Variants in WDR12 observed in about 807,000 individuals in gnomAD.
The protein encoded by WDR12 is WD repeat domain 12, also known as ribosome biogenesis protein WDR12.
In WDR12, 42 loss-of-function variants were observed where a neutral mutation model predicts 64.3. The observed-to-expected ratio is 0.65, with a 90% CI of 0.51 to 0.84. The LOEUF (loss-of-function observed/expected upper bound fraction) is 0.84. Ranked by LOEUF, WDR12 falls within the 40% of genes least tolerant of loss-of-function variation. WDR12 has a pLI of 0.00. For missense variants in WDR12, 469 were observed against 494.6 expected (o/e 0.95, Z 0.49); for synonymous variants, 158 against 173.3 (o/e 0.91, Z 0.70).
rs1687831188 is a variant in WDR12, at chr2:202,874,922, C to T, written c.*5938G>A. 6.6e-6 allele frequency: 1 copy of T among 152,198 alleles called. No homozygotes were observed. The highest frequency in any genetic ancestry group is 1.5e-5 in the Non-Finnish European group (1 of 68,056). The allele number at this position is 152,198 out of a possible 1,614,324, so 9.4% of individuals were successfully genotyped here. A position where few individuals can be genotyped will look rare whatever the true frequency, so the allele number is the denominator to read the frequency against. ...ATCGTTTTAAAAATTATTTCCTCCC[C>T]CTGAAACCACTGAACTTCATCTGGT... On this transcript the variant is annotated 3_prime_UTR_variant, in exon 13 of 13. Coordinates refer to ENST00000261015, the MANE Select transcript of WDR12 (RefSeq NM_018256.4).
At chr2:202,894,900 CCACATTCAAGCCTCTATTCCACTG>C (rs1441067373) in intron 6 of WDR12, 3 of 280,300 alleles carry the variant, frequency 1.1e-5, no homozygotes, top group Non-Finnish European at 2.0e-5. Flanking sequence ...GGTGTGCGGA[CCACATTCAAGCCTCTATTCCACTG>C]GTTCCTGAGG....
In WDR12 at chr2:202,874,798, T is replaced by C. The variant is rs959296365; in HGVS notation, c.*6062A>G. ...AACATTCTGTCTCTTCCCTACTACA[T>C]TTCTGTTTATTCAAGCAAAGCTAGA... On this transcript the variant is annotated 3_prime_UTR_variant, in exon 13 of 13. Coordinates refer to ENST00000261015, the MANE Select transcript of WDR12 (RefSeq NM_018256.4). 6.6e-6 allele frequency: 1 copy of C among 152,210 alleles called. No homozygotes were observed. Among genetic ancestry groups the C allele is most frequent in the Admixed American group, 6.5e-5 (1 of 15,280 alleles). The allele number at this position is 152,210 out of a possible 1,614,324, so 9.4% of individuals were successfully genotyped here.
chr2:202,887,940 C>T (rs1356993113), intron 8 of WDR12, among the ~76,000 whole-genome samples: 1 of 150,106 alleles, frequency 6.7e-6, no homozygotes, highest in Non-Finnish European at 1.5e-5. Context: ...AAACAATAGG[C>T]AAACTTATCA....
chr2:202,910,390 G>T (rs898677999), intron 1 of WDR12, among the ~76,000 whole-genome samples: 1 of 152,036 alleles, frequency 6.6e-6, no homozygotes, highest in African/African-American at 2.4e-5. Flanking sequence ...AGGCTTGGTG[G>T]CACATGCCTG....
intron 8 of WDR12, among the ~76,000 whole-genome samples, chr2:202,889,236 A>C (rs1467220720): frequency 6.6e-6 from 1 of 152,228 alleles, no homozygotes; most frequent in Non-Finnish European, 1.5e-5. Context: ...GAAAGTATGC[A>C]CCTAGAAATA....
intron 1 of WDR12, among the ~76,000 whole-genome samples, chr2:202,911,223 G>A (rs1688628472): frequency 6.6e-6 from 1 of 152,160 alleles, no homozygotes. Context: ...CATATAAAAT[G>A]TTTCATTCAG....
intron 8 of WDR12, 41 bp downstream of exon 8, chr2:202,892,576 C>T: frequency 7.0e-7 from 1 of 1,422,014 alleles, no homozygotes; most frequent in Non-Finnish European, 9.8e-7. Context: ...TTTGTCAACA[C>T]AGGCCTAAGG....
At chr2:202,901,709 A>C (rs1290402391) in intron 2 of WDR12, among the ~76,000 whole-genome samples, 6 of 152,192 alleles carry the variant, frequency 3.9e-5, no homozygotes, top group Admixed American at 3.9e-4. Flanking sequence ...TTTGTTGATG[A>C]AAGTGGGTCA....
chr2:202,903,003 C>T (rs1006783568), intron 2 of WDR12, among the ~76,000 whole-genome samples: 7 of 151,914 alleles, frequency 4.6e-5, no homozygotes, highest in Admixed American at 2.0e-4. Flanking sequence ...TGCTTGAACC[C>T]GGGAGGTGGA....
intron 8 of WDR12, among the ~76,000 whole-genome samples, chr2:202,886,846 T>C (rs1688057708): frequency 6.6e-6 from 1 of 151,772 alleles, no homozygotes; most frequent in Middle Eastern, 3.2e-3. Context: ...CTTTGCTACA[T>C]TTAACTTCCT....
At chr2:202,883,041 A>G (rs1352420695) in intron 11 of WDR12, among the ~76,000 whole-genome samples, 1 of 152,150 alleles carries the variant, frequency 6.6e-6, no homozygotes, top group East Asian at 1.9e-4. Flanking sequence ...AATTAGGCCC[A>G]TTTTCACACT....
At chr2:202,904,200 C>T (rs1167707323) in intron 2 of WDR12, among the ~76,000 whole-genome samples, 9 of 109,744 alleles carry the variant, frequency 8.2e-5, no homozygotes, top group Non-Finnish European at 1.8e-4. Context: ...GAAGAGGACA[C>T]AAAAAAATGG....
At chr2:202,908,780 G>T (rs79195550) in intron 1 of WDR12, among the ~76,000 whole-genome samples, 2,145 of 152,314 alleles carry the variant, frequency 0.014, 20 homozygotes, top group South Asian at 0.028. Flanking sequence ...AGGAACACAT[G>T]ACAGGAGGCA....
chr2:202,891,992 G>C (rs1050860474), intron 8 of WDR12, among the ~76,000 whole-genome samples: 2 of 152,312 alleles, frequency 1.3e-5, no homozygotes, highest in African/African-American at 4.8e-5. Flanking sequence ...CTAATGTACA[G>C]CATGGGTGGT....
intron 6 of WDR12, among the ~76,000 whole-genome samples, chr2:202,895,450 G>A (rs568798234): frequency 1.3e-5 from 2 of 151,900 alleles, no homozygotes; most frequent in African/African-American, 4.8e-5. Flanking sequence ...ATATAGACTG[G>A]AAATATGTCA....
chr2:202,895,517 CTTTTTTTTTT>C (rs901435872), intron 6 of WDR12, among the ~76,000 whole-genome samples: 6 of 111,540 alleles, frequency 5.4e-5, no homozygotes, highest in Non-Finnish European at 1.1e-4. Flanking sequence ...TCATTTCTTT[CTTTTTTTTTT>C]TTTTTTTTTT....
chr2:202,894,681 G>T (rs1688209421), intron 6 of WDR12, 55 bp from the exon 7 acceptor site: 1 of 1,429,380 alleles, frequency 7.0e-7, no homozygotes, highest in South Asian at 1.3e-5. Context: ...CATATTATTT[G>T]CCTACAACAG....
chr2:202,900,898 A>G, intron 3 of WDR12, 127 bp downstream of exon 3: 2 of 651,302 alleles, frequency 3.1e-6, no homozygotes, highest in Non-Finnish European at 5.1e-6. Context: ...CACACAACAT[A>G]TATAGCCAAT....
chr2:202,892,490 G>C, intron 8 of WDR12, 127 bp downstream of exon 8: 7 of 522,124 alleles, frequency 1.3e-5, no homozygotes, highest in Non-Finnish European at 2.0e-5. Context: ...CTGAAAAAAA[G>C]GATAATCATG....
Sources: gnomAD v4.1 joint callset for allele counts (sites outside exome capture counted in the v4.1 genomes callset) on GRCh38, gnomAD v4.1.1 for gene constraint, MANE v1.5 for transcripts, NCBI Gene and HGNC (gene_info 2026-07-23, HGNC 2026-07-21) for gene names.